COL12A1: variants seen among roughly 807,000 people sequenced by gnomAD.
COL12A1 encodes the protein collagen type XII alpha 1 chain.
Under a neutral mutation model 349.7 loss-of-function variants are expected in COL12A1, and 114 were observed. The ratio of observed to expected loss-of-function variants is 0.33; its 90% CI spans 0.28 to 0.38. COL12A1 has a LOEUF of 0.38. Ranked by LOEUF, COL12A1 falls within the 10% of genes least tolerant of loss-of-function variation. COL12A1 has a pLI of 1.00. For synonymous variants in COL12A1, 1,369 were observed against 1,329.0 expected (o/e 1.03, Z -0.66); for missense variants, 3,284 against 3,756.9 (o/e 0.87, Z 3.29).
intron 8 of COL12A1, among the ~76,000 whole-genome samples, chr6:75,186,588 C>T (rs748696121): frequency 1.3e-5 from 2 of 152,070 alleles, no homozygotes; most frequent in African/African-American, 4.8e-5. Flanking sequence ...AGAACAGAAA[C>T]ACCATTTAAC....
chr6:75,158,900 A>G (rs1466401561), intron 14 of COL12A1, among the ~76,000 whole-genome samples: 1 of 152,040 alleles, frequency 6.6e-6, no homozygotes, highest in Non-Finnish European at 1.5e-5. Context: ...AGACTAACAT[A>G]TGTGTAATTA....
At chr6:75,160,116 T>C (rs1384415212) in intron 14 of COL12A1, among the ~76,000 whole-genome samples, 1 of 150,872 alleles carries the variant, frequency 6.6e-6, no homozygotes, top group Non-Finnish European at 1.5e-5. Flanking sequence ...TTTTACATCA[T>C]TGATTGGATA....
intron 14 of COL12A1, among the ~76,000 whole-genome samples, chr6:75,160,294 T>C (rs1270894911): frequency 6.6e-6 from 1 of 152,172 alleles, no homozygotes; most frequent in East Asian, 1.9e-4. Context: ...CTAACCCCAA[T>C]TCATGATTTT....
At chr6:75,092,412 C>G (rs1177839974) in intron 60 of COL12A1, among the ~76,000 whole-genome samples, 1 of 152,138 alleles carries the variant, frequency 6.6e-6, no homozygotes, top group Admixed American at 6.5e-5. Flanking sequence ...TCAATCTGAT[C>G]CTACATCTAA....
At position 75,183,278 on chromosome 6, in the gene COL12A1, C is replaced by T; in HGVS notation, c.1663G>A (p.Asp555Asn). ...TTTATCGCAGGATCTCTGAAAGCAT[C>T]TGATGATTTCCCATCCGTGATAAGA... The part of the protein sequence containing the change: ...MILITDGKSS[D>N]AFRDPAIKLR... Residue 555 changes from aspartate to asparagine, a missense_variant, in exon 10 of 66, where the codon GAT (aspartate) becomes AAT (asparagine). Physicochemically the swap from Asp to Asn is conservative, Grantham distance 23 (BLOSUM62 1). Coordinates refer to ENST00000322507, the MANE Select transcript of COL12A1 (RefSeq NM_004370.6). 6.2e-7 allele frequency: 1 copy of T among 1,614,208 alleles called. No homozygotes were observed. The highest frequency in any genetic ancestry group is 1.3e-5 in the African/African-American group (1 of 75,054).
In COL12A1 at chr6:75,125,176, A is replaced by G. The variant is rs1486712607; in HGVS notation, c.6558T>C (p.Ala2186=). Reference sequence around the variant, plus strand: ...GGACACTGAGTCCAGAATCATATTGAGCATAAACATTCACATCGTAGGTGG... The same window carrying G: ...GGACACTGAGTCCAGAATCATATTGGGCATAAACATTCACATCGTAGGTGG... ...PSTTYDVNVY[A]QYDSGLSVPL... is the part of the protein sequence containing the mutation. Residue 2186 remains alanine (A), a synonymous_variant, in exon 40 of 66, where the codon GCT becomes GCC. Coordinates refer to ENST00000322507, the MANE Select transcript of COL12A1 (RefSeq NM_004370.6). 3 of 1,612,644 alleles carry G rather than the reference A, an allele frequency of 1.9e-6. No homozygotes were observed. In the East Asian group the frequency reaches 6.7e-5, roughly 36 times the overall value.
rs755695977 is a variant in COL12A1, at chr6:75,154,551, GTATATA to G, written c.3444-20_3444-15del. 6.2e-7 allele frequency: 1 copy of G among 1,602,454 alleles called. No individual in the cohort carries two copies. Among genetic ancestry groups the G allele is most frequent in the Non-Finnish European group, 8.5e-7 (1 of 1,173,528 alleles). On this transcript the variant is annotated splice_polypyrimidine_tract_variant and intron_variant, in intron 16 of 65. Transcript: ENST00000322507. ...GTGGTACCAGCCCTAAAATGTTAAA[GTATATA>G]TATAGCCTGTGAGAACCATAGGCTC...
chr6:75,141,989 A>T (rs759209361), intron 27 of COL12A1, 43 bp downstream of exon 27: 1 of 1,611,320 alleles, frequency 6.2e-7, no homozygotes, highest in East Asian at 2.2e-5. Context: ...CATGCATGTA[A>T]AGTGTTGTTT....
intron 39 of COL12A1, among the ~76,000 whole-genome samples, chr6:75,125,925 T>C (rs1765990393): frequency 1.3e-5 from 2 of 152,110 alleles, no homozygotes; most frequent in Non-Finnish European, 2.9e-5. Flanking sequence ...CTAATTTAGG[T>C]GAAATTTTCA....
Position 75,090,340 on chromosome 6 carries a change from A to G in COL12A1, c.8753-42T>C, listed in dbSNP as rs1767698449. 1 of 1,554,266 alleles carries G rather than the reference A, an allele frequency of 6.4e-7. No homozygotes were observed. The highest frequency in any genetic ancestry group is 1.4e-5 in the African/African-American group (1 of 73,434). ...GGCTTGTTAGTAAGAAACCCAATAAAGGACGGATGAGAGAGTGAAACTGTT... is the reference window on the plus strand; with the variant it reads ...GGCTTGTTAGTAAGAAACCCAATAAGGGACGGATGAGAGAGTGAAACTGTT... On this transcript the variant is annotated intron_variant, in intron 62 of 65. Transcript: ENST00000322507. The surrounding 1 kb of genome is among the most constrained non-coding windows in gnomAD (Gnocchi z 4.1).
chr6:75,180,827 C>T (rs1473250343), intron 11 of COL12A1, 112 bp downstream of exon 11: 1 of 1,260,366 alleles, frequency 7.9e-7, no homozygotes, highest in African/African-American at 1.5e-5. Context: ...CCAAATCTTA[C>T]AAAGGCATTG....
Position 75,183,847 on chromosome 6 carries a change from G to T in COL12A1, c.1288+7C>A. On this transcript the variant is annotated splice_region_variant and intron_variant, in intron 9 of 65. Coordinates refer to ENST00000322507, the MANE Select transcript of COL12A1 (RefSeq NM_004370.6). ...TTCCAAATACAATGATGCACACATT[G>T]ACTTACCCACTTGAACTTTCATTGG... 1 of 1,613,558 alleles carries T rather than the reference G, an allele frequency of 6.2e-7. No homozygotes were observed. The highest frequency in any genetic ancestry group is 1.1e-5 in the South Asian group (1 of 90,980).
At chr6:75,193,452 GATAA>G (rs1403945686) in intron 3 of COL12A1, among the ~76,000 whole-genome samples, 1 of 152,108 alleles carries the variant, frequency 6.6e-6, no homozygotes. Flanking sequence ...AAGGCTAAAA[GATAA>G]ATAAACACAG....
intron 51 of COL12A1, among the ~76,000 whole-genome samples, chr6:75,111,847 A>G (rs1449467101): frequency 6.6e-6 from 1 of 151,514 alleles, no homozygotes; most frequent in Non-Finnish European, 1.5e-5. Context: ...TAATATGTAC[A>G]TTGAAGCTTC....
At chr6:75,149,286 C>G (rs1767359019) in intron 21 of COL12A1, among the ~76,000 whole-genome samples, 1 of 152,072 alleles carries the variant, frequency 6.6e-6, no homozygotes, top group Non-Finnish European at 1.5e-5. Context: ...ACACAACTTC[C>G]CTGCCCTCAT....
At chr6:75,118,751 C>T (rs531158995) in intron 46 of COL12A1, among the ~76,000 whole-genome samples, 2 of 152,334 alleles carry the variant, frequency 1.3e-5, no homozygotes, top group Non-Finnish European at 2.9e-5. Flanking sequence ...GAAGCCTGCT[C>T]TAGCATCATC....
intron 11 of COL12A1, 60 bp downstream of exon 11, chr6:75,180,879 A>G: frequency 6.4e-7 from 1 of 1,557,072 alleles, no homozygotes; most frequent in Non-Finnish European, 8.7e-7. Context: ...ACAAACTGTA[A>G]CTTTGTAGTG....
intron 13 of COL12A1, among the ~76,000 whole-genome samples, chr6:75,170,284 A>G (rs1345004216): frequency 6.6e-6 from 1 of 152,254 alleles, no homozygotes; most frequent in African/African-American, 2.4e-5. Context: ...TTTCAAAAAT[A>G]GAAGTTAAAT....
intron 2 of COL12A1, among the ~76,000 whole-genome samples, chr6:75,199,116 T>C (rs918439934): frequency 6.6e-6 from 1 of 152,220 alleles, no homozygotes; most frequent in Non-Finnish European, 1.5e-5. Flanking sequence ...TTACAAAACA[T>C]GCCCTCTCAT....
Sources: gnomAD v4.1 joint callset for allele counts (sites outside exome capture counted in the v4.1 genomes callset) on GRCh38, gnomAD v4.1.1 for gene constraint, Gnocchi (gnomAD v3.1) non-coding constraint, MANE v1.5 for transcripts, NCBI Gene and HGNC (gene_info 2026-07-23, HGNC 2026-07-21) for gene names.